The following BOD1L1 variants were observed in gnomAD, a reference collection of about 807,000 sequenced individuals.
BOD1L1 encodes the protein biorientation of chromosomes in cell division protein 1-like 1.
In BOD1L1, 86 loss-of-function variants were observed where a neutral mutation model predicts 240.7. The observed-to-expected ratio is 0.36, with a 90% confidence interval of 0.30 to 0.43. The LOEUF (loss-of-function observed/expected upper bound fraction) is 0.43, where lower values mean the gene tolerates loss of function less well. Among genes scored for constraint, BOD1L1 ranks in the 20% least tolerant of loss-of-function variants. The pLI, the probability that BOD1L1 is intolerant of heterozygous loss-of-function variation, is 1.00. For missense variants in BOD1L1, 3,554 were observed against 3,643.5 expected, an observed-to-expected ratio of 0.98 and a Z score of 0.63; for synonymous variants, 1,268 against 1,272.3, an observed-to-expected ratio of 1.00 and a Z score of 0.07.
Position 13,602,795 on chromosome 4 carries a change from C to T in BOD1L1, c.4105G>A (p.Ala1369Thr), listed in dbSNP as rs201603271. 4 of 1,613,934 alleles carry T rather than the reference C, an allele frequency of 2.5e-6. No individual in the cohort carries two copies. In the East Asian group the frequency reaches 8.9e-5, roughly 36 times the overall value. The change falls in exon 10 of 26, where the codon GCT becomes ACT. Residue 1369 changes from alanine to threonine, a missense_variant. By Grantham distance (58) the Ala-to-Thr change is moderately conservative. This residue lies in a region of BOD1L1 where 3,393 missense variants were observed against 3,427.1 expected (regional missense o/e 0.99). Transcript: ENST00000040738. The stretch of plus-strand genomic sequence containing the variant: ...CCATCCAATAAAGTAGCCTGGTGAG[C>T]TTCTGGAATGTGTCTTTTGCTAGTG... Reference protein sequence around the residue: ...SITSKRHIPEAHQATLLDGKQ... With the variant: ...SITSKRHIPETHQATLLDGKQ...
intron 7 of BOD1L1, 57 bp downstream of exon 7, chr4:13,609,238 C>T (rs1180963544): frequency 3.0e-6 from 3 of 1,010,178 alleles, no homozygotes; most frequent in Non-Finnish European, 4.0e-6. Flanking sequence ...ATAAGAGTAC[C>T]CAGAAAATAA....
rs1418640630 is a variant in BOD1L1, at chr4:13,601,014, G to C, written c.5886C>G (p.Val1962=). ...GIVESSVTSA[V]SGKDEVTPVP... ...CTGGTGTCACTTCATCCTTTCCTGA[G>C]ACTGCACTGGTCACACTGCTTTCTA... The change falls in exon 10 of 26, where the codon GTC becomes GTG. Residue 1962 remains valine (V), a synonymous_variant. Transcript: ENST00000040738. 1 of 1,613,868 alleles carries C rather than the reference G, an allele frequency of 6.2e-7. No individual in the cohort carries two copies. The highest frequency in any genetic ancestry group is 8.5e-7 in the Non-Finnish European group (1 of 1,179,900).
At chr4:13,618,246 A>G (rs1032583328) in intron 2 of BOD1L1, among the ~76,000 whole-genome samples, 1 of 152,152 alleles carries the variant, frequency 6.6e-6, no homozygotes, top group African/African-American at 2.4e-5. Flanking sequence ...ATATATGAAG[A>G]AAAAAAATGC....
chr4:13,596,054 G>A (rs957269419), intron 11 of BOD1L1, 110 bp from the exon 12 acceptor site: 9 of 849,974 alleles, frequency 1.1e-5, no homozygotes, highest in African/African-American at 1.7e-5. Context: ...CAATATAAAA[G>A]CCTATTTTCA....
intron 17 of BOD1L1, among the ~76,000 whole-genome samples, chr4:13,584,363 TGA>T (rs534622727): frequency 6.6e-6 from 1 of 151,034 alleles, no homozygotes; most frequent in South Asian, 2.1e-4. Flanking sequence ...TGTGTGTGTG[TGA>T]GAGAGAGAGA....
At chr4:13,575,013 G>A (rs1316930921) in intron 25 of BOD1L1, among the ~76,000 whole-genome samples, 2 of 151,286 alleles carry the variant, frequency 1.3e-5, no homozygotes, top group African/African-American at 2.4e-5. Flanking sequence ...TCCACCTCCC[G>A]AGTTCAAGCG....
In BOD1L1 at chr4:13,602,954, T is replaced by C. The variant is rs748647744; in HGVS notation, c.3946A>G (p.Ser1316Gly). ...GCAGAGTGATCCGCAGGGGAGGTGC[T>C]GGCTGTGCTACCTTCCAAAACAGTT... ...KRTVLEGSTA[S>G]TSPADHSALP... The change falls in exon 10 of 26, where the codon AGC (serine) becomes GGC (glycine). Residue 1316 changes from serine to glycine, a missense_variant. This residue lies in a region of BOD1L1 where 3,393 missense variants were observed against 3,427.1 expected (regional missense o/e 0.99). Transcript: ENST00000040738. 2 of 1,614,036 alleles carry C rather than the reference T, an allele frequency of 1.2e-6. No individual in the cohort carries two copies. The highest frequency in any genetic ancestry group is 2.2e-5 in the East Asian group (1 of 44,878).
At chr4:13,610,788 C>T in intron 6 of BOD1L1, 146 bp downstream of exon 6, 1 of 548,150 alleles carries the variant, frequency 1.8e-6, no homozygotes, top group Non-Finnish European at 3.1e-6. Flanking sequence ...ATGTTTACAT[C>T]TACTCTACCT....
At position 13,599,853 on chromosome 4, in the gene BOD1L1, C is replaced by T; in HGVS notation, c.7047G>A (p.Glu2349=). 6.2e-7 allele frequency: 1 copy of T among 1,613,982 alleles called. No homozygotes were observed. Among genetic ancestry groups the T allele is most frequent in the Non-Finnish European group, 8.5e-7 (1 of 1,179,882 alleles). Residue 2349 remains glutamate (E), a synonymous_variant, in exon 10 of 26, where the codon GAG becomes GAA. Transcript: ENST00000040738. ...CTGGGTTGTCTGCAGTCAGCTGATT[C>T]TCTTCATGTCTGTCAATGCTGGCGG... ...PISASIDRHE[E]NQLTADNPEG...
At position 13,601,633 on chromosome 4, in the gene BOD1L1, G is replaced by A. The variant is rs1715178008; in HGVS notation, c.5267C>T (p.Thr1756Ile). The A allele has an allele frequency of 6.2e-7, 1 of 1,613,990 alleles. No homozygotes were observed. Among genetic ancestry groups the A allele is most frequent in the African/African-American group, 1.3e-5 (1 of 75,030 alleles). ...GAGPREERMV[T>I]GAGVVLGDND... Reference sequence around the variant, plus strand: ...ATCTCCCAGGACAACACCTGCACCTGTAACCATGCGTTCCTCCCGGGGCCC... The same window carrying A: ...ATCTCCCAGGACAACACCTGCACCTATAACCATGCGTTCCTCCCGGGGCCC... Residue 1756 changes from threonine to isoleucine, a missense_variant, in exon 10 of 26, where the codon ACA becomes ATA. Around this residue, in one of 2 missense-constraint regions of BOD1L1, gnomAD observed 3,393 missense variants for 3,427.1 expected, o/e 0.99. Coordinates refer to ENST00000040738, the MANE Select transcript of BOD1L1 (RefSeq NM_148894.3).
intron 14 of BOD1L1, among the ~76,000 whole-genome samples, chr4:13,590,148 T>C (rs539609913): frequency 4.6e-5 from 7 of 152,334 alleles, no homozygotes; most frequent in East Asian, 1.9e-4. Flanking sequence ...AAAGTTCTAG[T>C]AGCTATTTAA....
chr4:13,570,081 C>T lies in BOD1L1; in HGVS notation c.9086G>A (p.Ser3029Asn). The T allele has an allele frequency of 1.2e-6, 2 of 1,605,686 alleles. No homozygotes were observed. Among genetic ancestry groups the T allele is most frequent in the Non-Finnish European group, 1.7e-6 (2 of 1,176,666 alleles). The change falls in exon 26 of 26, where the codon AGC becomes AAC. Residue 3029 changes from serine (S) to asparagine (N), a missense_variant. Ser to Asn is a conservative substitution (Grantham distance 46). This residue lies in a region of BOD1L1 where 3,393 missense variants were observed against 3,427.1 expected (regional missense o/e 0.99). Coordinates refer to ENST00000040738, the MANE Select transcript of BOD1L1 (RefSeq NM_148894.3). ...SPSIKRKREV[S>N]PPGARTRGQQ... ...GCCTCTTGTTCGGGCCCCAGGAGGG[C>T]TGACTTCTCTCTTGCGCTTGATAGA...
At position 13,604,996 on chromosome 4, in the gene BOD1L1, G is replaced by A. The variant is rs1450681467; in HGVS notation, c.1904C>T (p.Ser635Leu). The change falls in exon 10 of 26, where the codon TCA becomes TTA. Residue 635 changes from serine to leucine, a missense_variant. Coordinates refer to ENST00000040738, the MANE Select transcript of BOD1L1 (RefSeq NM_148894.3). Reference sequence around the variant, plus strand: ...TTCGTCAACTACATGCAAAGACTCTGAAAGTCTCCGGGCAGGTTTACTTGG... The same window carrying A: ...TTCGTCAACTACATGCAAAGACTCTAAAAGTCTCCGGGCAGGTTTACTTGG... ...SEPSKPARRL[S>L]ESLHVVDENK... is the part of the protein sequence containing the mutation. 6.2e-7 allele frequency: 1 copy of A among 1,612,706 alleles called. No individual in the cohort carries two copies. The highest frequency in any genetic ancestry group is 1.3e-5 in the African/African-American group (1 of 74,876).
intron 1 of BOD1L1, among the ~76,000 whole-genome samples, chr4:13,622,625 T>G (rs887294250): frequency 3.3e-5 from 5 of 152,226 alleles, no homozygotes; most frequent in Non-Finnish European, 5.9e-5. Flanking sequence ...CACTTCCCAC[T>G]ACCTTTACTG....
chr4:13,571,345 C>T lies in BOD1L1; in HGVS notation c.9039-1217G>A, dbSNP rs145581083. On this transcript the variant is annotated intron_variant, in intron 25 of 25. Transcript: ENST00000040738. ...TGGGACTCTTAGTGATATGAAGACA[C>T]GTCTTCCGTTTCTTGTTTGACAGCA... Among the ~76,000 whole-genome samples, 59 of 152,308 alleles carry T rather than the reference C, an allele frequency of 3.9e-4. No individual in the cohort carries two copies. In the East Asian group the frequency reaches 0.01, roughly 27 times the overall value.
Position 13,602,422 on chromosome 4 carries a change from G to C in BOD1L1, c.4478C>G (p.Ser1493Cys). The C allele has an allele frequency of 6.2e-7, 1 of 1,614,004 alleles. No homozygotes were observed. Among genetic ancestry groups the C allele is most frequent in the Non-Finnish European group, 8.5e-7 (1 of 1,179,882 alleles). Reference sequence around the variant, plus strand: ...TTGTCCGTTCCTTTGGTGTAAAACAGAGGGTGCAGAGCCACTTCCAGCACT... The same window carrying C: ...TTGTCCGTTCCTTTGGTGTAAAACACAGGGTGCAGAGCCACTTCCAGCACT... ...DTSAGSGSAP[S>C]VLHQRNGQTE... is the part of the protein sequence containing the mutation. The change falls in exon 10 of 26, where the codon TCT becomes TGT. Residue 1493 changes from serine (S) to cysteine (C), a missense_variant. Around this residue, in one of 2 missense-constraint regions of BOD1L1, gnomAD observed 3,393 missense variants for 3,427.1 expected, o/e 0.99. Transcript: ENST00000040738.
chr4:13,594,720 C>T (rs922324295), intron 12 of BOD1L1, among the ~76,000 whole-genome samples: 3 of 152,074 alleles, frequency 2.0e-5, no homozygotes, highest in Admixed American at 6.6e-5. Context: ...TATGGTGAAA[C>T]CCCATCTCTA....
Position 13,615,347 on chromosome 4 carries a change from T to G in BOD1L1, c.524A>C (p.Asp175Ala), listed in dbSNP as rs755575729. The change falls in exon 3 of 26, where the codon GAT becomes GCT. Residue 175 changes from aspartate (D) to alanine (A), a missense_variant. By Grantham distance (126) the Asp-to-Ala change is moderately radical (BLOSUM62 -2). Coordinates refer to ENST00000040738, the MANE Select transcript of BOD1L1 (RefSeq NM_148894.3). ...KEEGSGNTAP[D>A]DEKPDTSLIT... is the part of the protein sequence containing the mutation. ...AAGGGAAGTGTCTGGTTTCTCATCA[T>G]CGGGAGCTGTGTTGCCACTTCCTTC... 1 of 1,613,140 alleles carries G rather than the reference T, an allele frequency of 6.2e-7. No homozygotes were observed. The highest frequency in any genetic ancestry group is 8.5e-7 in the Non-Finnish European group (1 of 1,179,494).
At chr4:13,598,059 T>C (rs1714762057) in intron 10 of BOD1L1, among the ~76,000 whole-genome samples, 1 of 152,212 alleles carries the variant, frequency 6.6e-6, no homozygotes, top group Non-Finnish European at 1.5e-5. Context: ...CAGCATCCTG[T>C]GCTTAATCCC....
Sources: gnomAD v4.1 joint callset for allele counts (sites outside exome capture counted in the v4.1 genomes callset) on GRCh38, gnomAD v4.1.1 for gene constraint, gnomAD v4.1.1 regional missense constraint, MANE v1.5 for transcripts, NCBI Gene and HGNC (gene_info 2026-07-23, HGNC 2026-07-21) for gene names.